The following GRM8 variants were observed in gnomAD, a reference collection of about 807,000 sequenced individuals.
GRM8 encodes glutamate metabotropic receptor 8, also known as metabotropic glutamate receptor 8.
A neutral mutation model predicts 87.2 loss-of-function variants in GRM8; 47 were observed. That is an observed-to-expected ratio of 0.54 (90% CI 0.43 to 0.69). The LOEUF is 0.69. GRM8 is among the 30% of genes least tolerant of loss of function. GRM8 has a pLI of 0.00. For synonymous variants in GRM8, 396 were observed against 404.5 expected (o/e 0.98, Z 0.25); for missense variants, 1,019 against 1,139.2 (o/e 0.89, Z 1.52).
chr7:127,247,029 G>A lies in GRM8; in HGVS notation c.-311-3514C>T, dbSNP rs187201986. On this transcript the variant is annotated intron_variant, in intron 1 of 10. Coordinates refer to ENST00000339582, the MANE Select transcript of GRM8 (RefSeq NM_000845.3). ...ACTCACTGTGGCAGCACAAGGAAAGGGAATGGCCCTGCCCCTCCACTGCAA... is the reference window on the plus strand; with the variant it reads ...ACTCACTGTGGCAGCACAAGGAAAGAGAATGGCCCTGCCCCTCCACTGCAA... Among the ~76,000 whole-genome samples the A allele has an allele frequency of 2.0e-5, 3 of 152,306 alleles. No homozygotes were observed. In the East Asian group the frequency reaches 5.8e-4, roughly 29 times the overall value.
chr7:127,061,522 C>T (rs1355601634), intron 3 of GRM8, among the ~76,000 whole-genome samples: 1 of 152,190 alleles, frequency 6.6e-6, no homozygotes, highest in Non-Finnish European at 1.5e-5. Flanking sequence ...GGGCACAGAT[C>T]AAGCTACCAA....
chr7:126,824,941 C>T (rs1038688586), intron 6 of GRM8, among the ~76,000 whole-genome samples: 1 of 152,238 alleles, frequency 6.6e-6, no homozygotes, highest in African/African-American at 2.4e-5. Flanking sequence ...TTCCAAAACT[C>T]TCTCAAAGAG....
intron 6 of GRM8, among the ~76,000 whole-genome samples, chr7:126,801,089 T>C: frequency 6.6e-6 from 1 of 152,094 alleles, no homozygotes; most frequent in East Asian, 1.9e-4. Context: ...AATCAACCAA[T>C]ATGCATACGA....
intron 2 of GRM8, among the ~76,000 whole-genome samples, chr7:127,180,298 G>A (rs981166159): frequency 3.9e-5 from 6 of 152,052 alleles, no homozygotes; most frequent in African/African-American, 1.4e-4. Flanking sequence ...GCTTAAATCA[G>A]TAAGAATTAG....
At chr7:126,815,565 T>C (rs1156551670) in intron 6 of GRM8, among the ~76,000 whole-genome samples, 1 of 152,116 alleles carries the variant, frequency 6.6e-6, no homozygotes, top group Non-Finnish European at 1.5e-5. Context: ...TCTGTGCCAA[T>C]AGTAATACTT....
At chr7:127,195,271 C>A (rs181961449) in intron 2 of GRM8, among the ~76,000 whole-genome samples, 1 of 152,214 alleles carries the variant, frequency 6.6e-6, no homozygotes, top group African/African-American at 2.4e-5. Context: ...CATGCTTACA[C>A]CATTTAATTT....
chr7:126,617,596 T>G (rs565380834), intron 7 of GRM8, among the ~76,000 whole-genome samples: 1 of 152,200 alleles, frequency 6.6e-6, no homozygotes, highest in Non-Finnish European at 1.5e-5. Context: ...TGTCCCTGTT[T>G]GCAGATGACA....
At chr7:126,945,642 T>C (rs1469460148) in intron 3 of GRM8, among the ~76,000 whole-genome samples, 4 of 152,254 alleles carry the variant, frequency 2.6e-5, no homozygotes, top group African/African-American at 9.6e-5. Flanking sequence ...CCCCAAGATA[T>C]GTCATTATGT....
intron 7 of GRM8, among the ~76,000 whole-genome samples, chr7:126,656,617 G>A (rs780373767): frequency 1.3e-5 from 2 of 152,036 alleles, no homozygotes; most frequent in Admixed American, 6.6e-5. Flanking sequence ...GCAGTGAGCC[G>A]AGATTGTGCC....
chr7:126,965,149 G>A (rs1036653779), intron 3 of GRM8, among the ~76,000 whole-genome samples: 2 of 152,046 alleles, frequency 1.3e-5, no homozygotes, highest in Admixed American at 6.5e-5. Flanking sequence ...TCACATACCA[G>A]GTCCTGTCAG....
Position 126,582,406 on chromosome 7 carries a change from A to G in GRM8, c.1494+26956T>C, listed in dbSNP as rs1302665330. Among the ~76,000 whole-genome samples, 5 of 152,186 alleles carry G rather than the reference A, an allele frequency of 3.3e-5. No individual in the cohort carries two copies. The East Asian group carries it at 9.6e-4, about 29-fold the overall frequency. ...CGAAGACAGCAGAGGTTTGTTCATG[A>G]GATTTAAGGAACAAAGCAACCTCTA... On this transcript the variant is annotated intron_variant, in intron 8 of 10. Transcript: ENST00000339582.
intron 2 of GRM8, among the ~76,000 whole-genome samples, chr7:127,223,819 A>C (rs1563591252): frequency 6.6e-6 from 1 of 152,172 alleles, no homozygotes; most frequent in Non-Finnish European, 1.5e-5. Flanking sequence ...AAAACTACAA[A>C]GAACTAGCAA....
intron 7 of GRM8, among the ~76,000 whole-genome samples, chr7:126,727,969 G>T (rs1274515520): frequency 6.6e-6 from 1 of 152,118 alleles, no homozygotes; most frequent in Non-Finnish European, 1.5e-5. Flanking sequence ...CTTACATTCT[G>T]ATATGATTGA....
At chr7:126,936,620 T>G (rs941854318) in intron 3 of GRM8, among the ~76,000 whole-genome samples, 6 of 152,190 alleles carry the variant, frequency 3.9e-5, no homozygotes, top group Non-Finnish European at 7.3e-5. Flanking sequence ...AGGAAGGATG[T>G]GTATACCTTT....
chr7:127,196,964 G>A (rs1240187297), intron 2 of GRM8, among the ~76,000 whole-genome samples: 1 of 152,050 alleles, frequency 6.6e-6, no homozygotes, highest in Non-Finnish European at 1.5e-5. Context: ...CTCAAACTTC[G>A]GGCTCAAGCA....
intron 9 of GRM8, among the ~76,000 whole-genome samples, chr7:126,521,718 TA>T (rs1009544666): frequency 6.6e-6 from 1 of 152,186 alleles, no homozygotes; most frequent in East Asian, 1.9e-4. Context: ...AAGATTACTC[TA>T]AAATTTGCCC....
rs370664153 is a variant in GRM8, at chr7:126,905,749, A to G, written c.728-1066T>C. Among the ~76,000 whole-genome samples, 23 of 152,326 alleles carry G rather than the reference A, an allele frequency of 1.5e-4. No individual in the cohort carries two copies. The East Asian group carries it at 3.5e-3, about 23-fold the overall frequency. ...GCATTTGAATAAGTTACCATGGAAT[A>G]GATAATAAAGTATATAATTAATAGG... On this transcript the variant is annotated intron_variant, in intron 3 of 10. Transcript: ENST00000339582.
intron 6 of GRM8, among the ~76,000 whole-genome samples, chr7:126,900,923 G>A (rs1038948595): frequency 8.5e-5 from 13 of 152,058 alleles, no homozygotes; most frequent in African/African-American, 2.9e-4. Flanking sequence ...ACTTCTGCCA[G>A]GCAAATCTTC....
At chr7:126,580,081 T>C (rs964326211) in intron 8 of GRM8, among the ~76,000 whole-genome samples, 3 of 152,168 alleles carry the variant, frequency 2.0e-5, no homozygotes, top group African/African-American at 4.8e-5. Flanking sequence ...TATTCACTAA[T>C]AATTCAAATG....
Sources: allele counts gnomAD v4.1 joint callset (sites outside exome capture counted in the v4.1 genomes callset), GRCh38; gene constraint gnomAD v4.1.1; transcripts MANE v1.5; gene names NCBI Gene and HGNC (gene_info 2026-07-23, HGNC 2026-07-21).